Variants in AGO2 observed in about 807,000 individuals in gnomAD.
AGO2 encodes the protein argonaute RISC catalytic component 2, also known as protein argonaute-2.
Under a neutral mutation model 102.3 loss-of-function variants are expected in AGO2, and 5 were observed. The observed-to-expected ratio is 0.05, with a 90% CI of 0.03 to 0.10. The LOEUF is 0.10. AGO2 is among the 10% of genes least tolerant of loss of function. AGO2 has a pLI of 1.00. For synonymous variants in AGO2, 449 were observed against 473.1 expected, an observed-to-expected ratio of 0.95 and a Z score of 0.66; for missense variants, 541 against 1,183.7, an observed-to-expected ratio of 0.46 and a Z score of 7.97.
intron 3 of AGO2, among the ~76,000 whole-genome samples, chr8:140,563,338 C>T (rs2073232662): frequency 6.6e-6 from 1 of 152,212 alleles, no homozygotes; most frequent in Admixed American, 6.5e-5. Context: ...TCAAGGGATC[C>T]TTTCGCCTTG....
At chr8:140,632,557 G>T (rs2074355183) in intron 1 of AGO2, among the ~76,000 whole-genome samples, 1 of 152,236 alleles carries the variant, frequency 6.6e-6, no homozygotes, top group South Asian at 2.1e-4. Flanking sequence ...TAACACACGG[G>T]AGCTTGAAAG....
chr8:140,631,378 C>A (rs962971757), intron 1 of AGO2, among the ~76,000 whole-genome samples: 1 of 151,886 alleles, frequency 6.6e-6, no homozygotes, highest in Non-Finnish European at 1.5e-5. Context: ...CCCATCTCTA[C>A]CAAAAATACG....
chr8:140,639,894 C>T (rs1055445240), upstream of AGO2, among the ~76,000 whole-genome samples: 2 of 152,188 alleles, frequency 1.3e-5, no homozygotes, highest in Non-Finnish European at 2.9e-5. Flanking sequence ...TGTGGTGTTC[C>T]CTTGACTGGT....
At chr8:140,591,439 ATCATC>A (rs2073745358) in intron 1 of AGO2, among the ~76,000 whole-genome samples, 1 of 152,176 alleles carries the variant, frequency 6.6e-6, no homozygotes, top group Non-Finnish European at 1.5e-5. Context: ...CAGACTGATG[ATCATC>A]CCTAAACCAC....
upstream of AGO2, chr8:140,637,241 C>G (rs1364179705): frequency 6.6e-6 from 1 of 152,226 alleles, no homozygotes; most frequent in East Asian, 1.9e-4. Context: ...ATTTATGAAC[C>G]ATGCAACCTC....
intron 14 of AGO2, among the ~76,000 whole-genome samples, chr8:140,542,017 T>C (rs746286388): frequency 6.6e-6 from 1 of 152,182 alleles, no homozygotes; most frequent in Non-Finnish European, 1.5e-5. Flanking sequence ...TGTCCCTATT[T>C]CTTCCAAAGA....
chr8:140,578,408 C>T (rs1468043114), intron 2 of AGO2, among the ~76,000 whole-genome samples: 2 of 152,236 alleles, frequency 1.3e-5, no homozygotes, highest in Admixed American at 6.5e-5. Context: ...AAATGATTTT[C>T]ACTTCCCCAA....
intron 1 of AGO2, among the ~76,000 whole-genome samples, chr8:140,596,964 G>A (rs2073854692): frequency 6.6e-6 from 1 of 152,208 alleles, no homozygotes; most frequent in Non-Finnish European, 1.5e-5. Flanking sequence ...GCCAGCCAAG[G>A]TGCAGACAGG....
At chr8:140,595,052 G>A (rs1032315081) in intron 1 of AGO2, among the ~76,000 whole-genome samples, 3 of 152,164 alleles carry the variant, frequency 2.0e-5, no homozygotes, top group African/African-American at 7.2e-5. Context: ...TTTCAAGCTT[G>A]TTTCAGAAGG....
Position 140,541,250 on chromosome 8 carries a change from G to A in AGO2, c.1948C>T (p.Leu650Phe). The change falls in exon 15 of 19, where the codon CTC becomes TTC. Residue 650 changes from leucine (L) to phenylalanine (F), a missense_variant. Leu to Phe is a conservative substitution (Grantham distance 22). Around this residue, in one of 6 missense-constraint regions of AGO2, gnomAD observed 309 missense variants for 735.1 expected, o/e 0.42. Transcript: ENST00000220592. ...QDLAAMVREL[L>F]IQFYKSTRFK... ...CGCGTGGACTTGTAGAACTGGATGA[G>A]GAGCTCGCGGACCATGGCGGCCAGG... The A allele has an allele frequency of 1.2e-6, 2 of 1,612,638 alleles. No individual in the cohort carries two copies. Among genetic ancestry groups the A allele is most frequent in the Non-Finnish European group, 1.7e-6 (2 of 1,179,478 alleles).
intron 1 of AGO2, among the ~76,000 whole-genome samples, chr8:140,598,968 C>T (rs774158986): frequency 1.3e-5 from 2 of 152,210 alleles, no homozygotes; most frequent in African/African-American, 2.4e-5. Context: ...AGGCCACTTT[C>T]TCCAAACCCA....
intron 1 of AGO2, among the ~76,000 whole-genome samples, chr8:140,596,192 A>T (rs2073841181): frequency 6.6e-6 from 1 of 151,644 alleles, no homozygotes; most frequent in African/African-American, 2.4e-5. Context: ...TTTGTTATTT[A>T]AAACTAAATT....
Position 140,528,783 on chromosome 8 carries a change from T to C in AGO2, c.*3261A>G, listed in dbSNP as rs967132703. The C allele has an allele frequency of 6.6e-6, 1 of 152,080 alleles. No individual in the cohort carries two copies. The highest frequency in any genetic ancestry group is 2.4e-5 in the African/African-American group (1 of 41,370). 9.4% of individuals were successfully genotyped at this position (152,080 alleles called of 1,614,324 possible). ...ACAAAATTTATCCAAACCAGGAAAA[T>C]CTGAGCTTAGGACACACAAAACAAC... On this transcript the variant is annotated 3_prime_UTR_variant, in exon 19 of 19. Transcript: ENST00000220592. This position sits in a 1 kb window ranked among gnomAD's most constrained non-coding sequence, Gnocchi z 4.5.
chr8:140,631,329 G>A (rs2074338558), intron 1 of AGO2, among the ~76,000 whole-genome samples: 1 of 152,138 alleles, frequency 6.6e-6, no homozygotes, highest in Non-Finnish European at 1.5e-5. Context: ...ATCACCTGAG[G>A]TTGGGAGTTT....
intron 1 of AGO2, among the ~76,000 whole-genome samples, chr8:140,626,997 C>G (rs1401898616): frequency 2.0e-5 from 3 of 151,104 alleles, no homozygotes; most frequent in Non-Finnish European, 4.4e-5. Context: ...GTGTCCAGGT[C>G]TCTGAGCACA....
At chr8:140,542,722 C>T (rs2072823049) in intron 14 of AGO2, among the ~76,000 whole-genome samples, 1 of 152,250 alleles carries the variant, frequency 6.6e-6, no homozygotes, top group South Asian at 2.1e-4. Flanking sequence ...TGCGGGCTTT[C>T]CCCAGCTGCA....
chr8:140,617,086 C>T lies in AGO2; in HGVS notation c.22+18399G>A, dbSNP rs28540507. Among the ~76,000 whole-genome samples, 1,447 of 152,256 alleles carry T rather than the reference C, an allele frequency of 9.5e-3. 26 individuals are homozygous for T. Among genetic ancestry groups the T allele is most frequent in the East Asian group, 0.086 (447 of 5,182 alleles). On this transcript the variant is annotated intron_variant, in intron 1 of 18. Coordinates refer to ENST00000220592, the MANE Select transcript of AGO2 (RefSeq NM_012154.5). ...AGTGAGAGAGTGGACCCCCCTCATC[C>T]CCACACACCTTGTCAGACCCTGTAA... is the stretch of plus-strand genomic sequence containing the variant.
At position 140,539,751 on chromosome 8, in the gene AGO2, C is replaced by T. The variant is rs1588438456; in HGVS notation, c.2035-297G>A. ...CGCCAGGGATGCAGGCTGGGCTCTG[C>T]GCTGAGAAGGCACATGCAGAGGCCA... On this transcript the variant is annotated intron_variant, in intron 15 of 18. Transcript: ENST00000220592. This position sits in a 1 kb window ranked among gnomAD's most constrained non-coding sequence, Gnocchi z 4.7. Among the ~76,000 whole-genome samples, 1 of 152,196 alleles carries T rather than the reference C, an allele frequency of 6.6e-6. No homozygotes were observed. The highest frequency in any genetic ancestry group is 2.1e-4 in the South Asian group (1 of 4,832).
chr8:140,542,117 G>C (rs542659712), intron 14 of AGO2, among the ~76,000 whole-genome samples: 114 of 152,292 alleles, frequency 7.5e-4, no homozygotes, highest in African/African-American at 2.6e-3. Context: ...GGCAGACAGA[G>C]AGAGCCTAGC....
Sources: allele counts gnomAD v4.1 joint callset (sites outside exome capture counted in the v4.1 genomes callset), GRCh38; gene constraint gnomAD v4.1.1; regional missense constraint gnomAD v4.1.1; non-coding constraint Gnocchi (gnomAD v3.1); transcripts MANE v1.5; gene names NCBI Gene and HGNC (gene_info 2026-07-23, HGNC 2026-07-21).